Variants in EP400 observed in about 807,000 individuals in gnomAD.
EP400 encodes the protein E1A-binding protein p400.
EP400 carries 105 observed loss-of-function variants against 354.1 expected under a neutral mutation model. That is an observed-to-expected ratio of 0.30 (90% confidence interval 0.25 to 0.35). EP400 has a LOEUF of 0.35. Among genes scored for constraint, EP400 ranks in the 10% least tolerant of loss-of-function variants. The probability of loss-of-function intolerance (pLI) is 1.00; values close to 1 mark genes in which losing one functional copy is unlikely to be tolerated. For missense variants in EP400, 3,280 were observed against 4,121.0 expected, an observed-to-expected ratio of 0.80 and a Z score of 5.59; for synonymous variants, 1,646 against 1,716.9, an observed-to-expected ratio of 0.96 and a Z score of 1.02.
intron 1 of EP400, 104 bp from the exon 2 acceptor site, chr12:131,960,481 A>G (rs1275546943): frequency 6.4e-6 from 7 of 1,101,184 alleles, no homozygotes; most frequent in Non-Finnish European, 9.0e-6. Context: ...TTTGAATCAG[A>G]TGCGGTGGGA....
At chr12:131,963,418 C>T in intron 2 of EP400, 1 of 734,276 alleles carries the variant, frequency 1.4e-6, no homozygotes, top group Non-Finnish European at 2.3e-6. Flanking sequence ...GATGCAAAAA[C>T]ATTCCATTTT....
intron 1 of EP400, among the ~76,000 whole-genome samples, chr12:131,959,880 A>G (rs1181454341): frequency 1.3e-5 from 2 of 152,222 alleles, no homozygotes; most frequent in Non-Finnish European, 2.9e-5. Flanking sequence ...ACTCTCCTGC[A>G]GTAGCCCCGG....
intron 39 of EP400, among the ~76,000 whole-genome samples, chr12:132,047,196 G>A (rs1422289094): frequency 6.6e-6 from 1 of 152,036 alleles, no homozygotes; most frequent in Non-Finnish European, 1.5e-5. Context: ...TTTGTTAAAT[G>A]TAGAAAAGCA....
rs760835499 is a variant in EP400 at position 132,029,960 on chromosome 12, A to T, written c.5585-29A>T. 1 of 1,612,918 alleles carries T rather than the reference A, an allele frequency of 6.2e-7. No homozygotes were observed. The highest frequency in any genetic ancestry group is 8.5e-7 in the Non-Finnish European group (1 of 1,179,764). On this transcript the variant is annotated intron_variant, in intron 28 of 52. Coordinates refer to ENST00000389561, the MANE Select transcript of EP400 (RefSeq NM_015409.5). The surrounding 1 kb of genome is among the most constrained non-coding windows in gnomAD (Gnocchi z 4.7). ...GGAGCTGCACCGGCCCTGGATGATGAGGCGCTCTTGATGTGATTCGTTTCC... is the reference window on the plus strand; with the variant it reads ...GGAGCTGCACCGGCCCTGGATGATGTGGCGCTCTTGATGTGATTCGTTTCC...
chr12:131,982,546 C>G (rs1301514184), intron 5 of EP400, 68 bp downstream of exon 5: 8 of 1,518,158 alleles, frequency 5.3e-6, no homozygotes, highest in Non-Finnish European at 7.1e-6. Context: ...GTGTGTTAGA[C>G]AGAGTGTCAC....
intron 39 of EP400, among the ~76,000 whole-genome samples, chr12:132,049,893 G>C (rs888397765): frequency 1.3e-5 from 2 of 152,220 alleles, no homozygotes; most frequent in African/African-American, 2.4e-5. Flanking sequence ...ACACCACTGG[G>C]CATGCGCCAG....
rs769970714 is a variant in EP400, at chr12:131,981,630, A to C, written c.1543+34A>C. The stretch of plus-strand genomic sequence containing the variant: ...CAGCAGCAGAGCCAGCTCCCCGCTC[A>C]GGAGCAGGCAGCACACTGCGGTTCC... On this transcript the variant is annotated intron_variant, in intron 4 of 52. Transcript: ENST00000389561. 7 of 1,538,878 alleles carry C rather than the reference A, an allele frequency of 4.5e-6. No individual in the cohort carries two copies. In the East Asian group the frequency reaches 7.0e-5, roughly 15 times the overall value.
intron 30 of EP400, among the ~76,000 whole-genome samples, chr12:132,033,207 C>G (rs11246904): frequency 1.3e-5 from 2 of 152,020 alleles, no homozygotes; most frequent in African/African-American, 4.8e-5. Flanking sequence ...CTTGGCCTCC[C>G]AAAGTGCTGG....
In EP400 at chr12:132,069,642, G is replaced by C. The variant is rs1208727882; in HGVS notation, c.9021+1G>C. On this transcript the variant is annotated splice_donor_variant, in intron 51 of 52. Coordinates refer to ENST00000389561, the MANE Select transcript of EP400 (RefSeq NM_015409.5). LOFTEE classifies it high-confidence loss of function. ...CCAGCAAGTGCAGACCCAGATCCAGGTGAGCGGGGAACAGGGTGAGGGCCC... is the reference window on the plus strand; with the variant it reads ...CCAGCAAGTGCAGACCCAGATCCAGCTGAGCGGGGAACAGGGTGAGGGCCC... 1.2e-6 allele frequency: 2 copies of C among 1,614,142 alleles called. No individual in the cohort carries two copies. The highest frequency in any genetic ancestry group is 1.7e-6 in the Non-Finnish European group (2 of 1,179,976).
At chr12:131,991,576 C>CTTTTTTTTTTTTT (rs878864752) in intron 10 of EP400, 120 bp downstream of exon 10, 1 of 536,736 alleles carries the variant, frequency 1.9e-6, no homozygotes, top group African/African-American at 2.2e-5. Flanking sequence ...CCTTTCTTTT[C>CTTTTTTTTTTTTT]TTTTTTTTTT....
At chr12:132,076,086 C>T (rs968394623) in intron 51 of EP400, 4 of 220,824 alleles carry the variant, frequency 1.8e-5, no homozygotes, top group African/African-American at 6.8e-5. Flanking sequence ...GGTGCGTCAC[C>T]GGGTTCCCCA....
chr12:132,044,734 C>G lies in EP400; in HGVS notation c.6630+19C>G. The G allele has an allele frequency of 1.2e-6, 2 of 1,614,204 alleles. No individual in the cohort carries two copies. Among genetic ancestry groups the G allele is most frequent in the Middle Eastern group, 1.6e-4 (1 of 6,062 alleles). On this transcript the variant is annotated intron_variant, in intron 36 of 52. Coordinates refer to ENST00000389561, the MANE Select transcript of EP400 (RefSeq NM_015409.5). ...CATGCCGGTGAGTGCTGCCCTCTCC[C>G]TTTGTGTCTGTGTGGGCAGCTTCCT...
chr12:132,020,927 T>C, intron 22 of EP400, 152 bp from the exon 23 acceptor site: 1 of 1,059,566 alleles, frequency 9.4e-7, no homozygotes, highest in Non-Finnish European at 1.3e-6. Flanking sequence ...CCCTGTAAAC[T>C]ATATGGCCCC....
In EP400 at chr12:132,077,788, T is replaced by C. The variant is rs1896282698; in HGVS notation, c.*115T>C. The C allele has an allele frequency of 1.6e-6, 2 of 1,250,888 alleles. No homozygotes were observed. Among genetic ancestry groups the C allele is most frequent in the East Asian group, 2.5e-5 (1 of 39,310 alleles). The allele number at this position is 1,250,888 out of a possible 1,614,324, so 77.5% of individuals were successfully genotyped here. ...AAGAGATTCAGCACTGGGAAAGATA[T>C]AATTGAAACAAAATAGTGTAATCAT... is the stretch of plus-strand genomic sequence containing the variant. On this transcript the variant is annotated 3_prime_UTR_variant, in exon 53 of 53. Transcript: ENST00000389561.
chr12:131,962,234 G>T (rs1422141331), intron 2 of EP400, among the ~76,000 whole-genome samples: 3 of 152,184 alleles, frequency 2.0e-5, no homozygotes, highest in African/African-American at 7.2e-5. Context: ...GAGCACCAAG[G>T]ATTCATCTCA....
Position 132,012,999 on chromosome 12 carries a change from T to C in EP400, c.3442-10T>C. 6.2e-7 allele frequency: 1 copy of C among 1,600,744 alleles called. No individual in the cohort carries two copies. On this transcript the variant is annotated splice_polypyrimidine_tract_variant and intron_variant, in intron 16 of 52. Transcript: ENST00000389561. ...TGTGAAGGCACTGAGCTGTCCTCTC[T>C]GTGCTGCAGGAGTGGGCCGAACCCA...
chr12:132,023,431 C>T (rs1291546889), intron 23 of EP400, among the ~76,000 whole-genome samples: 2 of 147,596 alleles, frequency 1.4e-5, no homozygotes, highest in African/African-American at 2.5e-5. Context: ...GCTGGGATTA[C>T]AGGCATGTGC....
chr12:132,022,755 A>G (rs1894162130), intron 23 of EP400, among the ~76,000 whole-genome samples: 1 of 151,466 alleles, frequency 6.6e-6, no homozygotes, highest in Non-Finnish European at 1.5e-5. Flanking sequence ...TTATTTATGT[A>G]TGTGATTTCT....
At chr12:132,036,073 CA>C (rs1894698795) in intron 30 of EP400, among the ~76,000 whole-genome samples, 1 of 151,110 alleles carries the variant, frequency 6.6e-6, no homozygotes, top group African/African-American at 2.4e-5. Context: ...CTTAGAAGCA[CA>C]CAGCCAGGTT....
Sources: gnomAD v4.1 joint callset for allele counts (sites outside exome capture counted in the v4.1 genomes callset) on GRCh38, gnomAD v4.1.1 for gene constraint, Gnocchi (gnomAD v3.1) non-coding constraint, MANE v1.5 for transcripts, NCBI Gene and HGNC (gene_info 2026-07-23, HGNC 2026-07-21) for gene names.